The following SERPINB11 variants were observed in gnomAD, a reference collection of about 807,000 sequenced individuals.
SERPINB11 encodes serpin B11.
A neutral mutation model predicts 36.7 loss-of-function variants in SERPINB11; 32 were observed. The ratio of observed to expected loss-of-function variants is 0.87; its 90% confidence interval spans 0.66 to 1.17. SERPINB11 has a LOEUF of 1.17. SERPINB11 is among the 50% of genes most tolerant of loss of function. SERPINB11 has a pLI of 0.00. For missense variants in SERPINB11, 528 were observed against 458.4 expected, an observed-to-expected ratio of 1.15 and a Z score of -1.39; for synonymous variants, 174 against 168.1, an observed-to-expected ratio of 1.04 and a Z score of -0.27.
At chr18:63,712,046 A>G (rs1174615452) in intron 3 of SERPINB11, among the ~76,000 whole-genome samples, 2 of 152,214 alleles carry the variant, frequency 1.3e-5, no homozygotes, top group Non-Finnish European at 2.9e-5. Context: ...TATAATGTCC[A>G]TAAATTCTTA....
chr18:63,703,734 C>T (rs1334219962), intron 1 of SERPINB11, among the ~76,000 whole-genome samples: 1 of 152,154 alleles, frequency 6.6e-6, no homozygotes, highest in Non-Finnish European at 1.5e-5. Flanking sequence ...CTTAGCCACC[C>T]TTGGAGATGT....
Position 63,723,438 on chromosome 18 carries a change from G to C in SERPINB11, c.*39G>C. On this transcript the variant is annotated 3_prime_UTR_variant, in exon 8 of 8. Transcript: ENST00000544088. ...AGCAAGGCTCAGAGTTGCAGATGAG[G>C]TGCAGAGACAATCCTGTGACTTTCC... The C allele has an allele frequency of 6.5e-7, 1 of 1,536,036 alleles. No individual in the cohort carries two copies. Among genetic ancestry groups the C allele is most frequent in the African/African-American group, 1.4e-5 (1 of 72,894 alleles).
In SERPINB11 at chr18:63,722,893, T is replaced by C. The variant is rs763434299; in HGVS notation, c.775-102T>C. 5.4e-5 allele frequency: 65 copies of C among 1,204,470 alleles called. No individual in the cohort carries two copies. The Admixed American group carries it at 5.7e-4, about 11-fold the overall frequency. 74.6% of individuals were successfully genotyped at this position (1,204,470 alleles called of 1,614,324 possible). On this transcript the variant is annotated intron_variant, in intron 7 of 7. Transcript: ENST00000544088. Reference sequence around the variant, plus strand: ...ACTGTATTAAAGGTAGAAAAAGTGATGAAGTTGAACCACTCACACTGAGAA... The same window carrying C: ...ACTGTATTAAAGGTAGAAAAAGTGACGAAGTTGAACCACTCACACTGAGAA...
At chr18:63,710,126 A>G in intron 1 of SERPINB11, 53 bp from the exon 2 acceptor site, 1 of 1,403,376 alleles carries the variant, frequency 7.1e-7, no homozygotes, top group Non-Finnish European at 9.6e-7. Flanking sequence ...AACTCCAGAT[A>G]CTATCTGTAA....
At chr18:63,721,489 C>A (rs4940596) in intron 7 of SERPINB11, among the ~76,000 whole-genome samples, 56,343 of 151,916 alleles carry the variant, frequency 0.37, 11,278 homozygotes, top group East Asian at 0.61. Flanking sequence ...AACCCCCTTT[C>A]CCCAGCTGCA....
chr18:63,723,212 C>A lies in SERPINB11; in HGVS notation c.992C>A (p.Ala331Asp), dbSNP rs768428835. The A allele has an allele frequency of 1.9e-6, 3 of 1,613,802 alleles. No individual in the cohort carries two copies. Among genetic ancestry groups the A allele is most frequent in the Non-Finnish European group, 2.5e-6 (3 of 1,179,818 alleles). Residue 331 changes from alanine to aspartate, a missense_variant, in exon 8 of 8, where the codon GCC (alanine) becomes GAC (aspartate). Physicochemically the swap from Ala to Asp is moderately radical, Grantham distance 126. Transcript: ENST00000544088. Reference sequence around the variant, plus strand: ...ACCAAGGGCCTATATTTATCAAAAGCCATCCACAAGTCATACCTGGATGTC... The same window carrying A: ...ACCAAGGGCCTATATTTATCAAAAGACATCCACAAGTCATACCTGGATGTC... ...SPTKGLYLSK[A>D]IHKSYLDVSE... is the part of the protein sequence containing the mutation.
intron 4 of SERPINB11, among the ~76,000 whole-genome samples, chr18:63,713,957 A>G (rs1914595994): frequency 6.6e-6 from 1 of 152,198 alleles, no homozygotes. Context: ...ATGGAGAGTT[A>G]CTTAAGGTTG....
intron 5 of SERPINB11, 61 bp downstream of exon 5, chr18:63,716,213 C>A: frequency 2.8e-6 from 3 of 1,073,150 alleles, no homozygotes; most frequent in South Asian, 1.4e-5. Flanking sequence ...AACCTGAGTC[C>A]ACTTGCTAAA....
intron 1 of SERPINB11, among the ~76,000 whole-genome samples, chr18:63,706,587 A>C (rs1013784390): frequency 2.6e-5 from 4 of 152,206 alleles, no homozygotes; most frequent in Non-Finnish European, 5.9e-5. Flanking sequence ...TAAACAAGGG[A>C]ATAATGTAAC....
intron 4 of SERPINB11, among the ~76,000 whole-genome samples, chr18:63,714,766 A>G (rs1914623385): frequency 1.3e-5 from 2 of 152,122 alleles, no homozygotes; most frequent in Admixed American, 1.3e-4. Context: ...TATTGTTTAA[A>G]CACACATGCT....
intron 7 of SERPINB11, among the ~76,000 whole-genome samples, chr18:63,721,211 A>T (rs1179175102): frequency 6.6e-6 from 1 of 152,242 alleles, no homozygotes; most frequent in Non-Finnish European, 1.5e-5. Flanking sequence ...TGAGAAAGGC[A>T]CATGGAAGCA....
At chr18:63,720,235 G>A in intron 6 of SERPINB11, 80 bp downstream of exon 6, 1 of 1,254,844 alleles carries the variant, frequency 8.0e-7, no homozygotes. Context: ...AAGATGTAGT[G>A]ATTTAGTGAA....
At chr18:63,720,766 T>C in intron 6 of SERPINB11, 65 bp from the exon 7 acceptor site, 2 of 1,191,234 alleles carry the variant, frequency 1.7e-6, no homozygotes, top group Non-Finnish European at 2.4e-6. Flanking sequence ...TTATGCAAGG[T>C]AATCAGTACA....
chr18:63,710,871 A>G (rs1276207067), intron 2 of SERPINB11, among the ~76,000 whole-genome samples: 1 of 152,248 alleles, frequency 6.6e-6, no homozygotes, highest in Non-Finnish European at 1.5e-5. Flanking sequence ...CCCATTACGT[A>G]TATTTTAATT....
intron 1 of SERPINB11, among the ~76,000 whole-genome samples, chr18:63,703,767 C>G (rs1415926629): frequency 6.6e-6 from 1 of 152,184 alleles, no homozygotes; most frequent in Non-Finnish European, 1.5e-5. Flanking sequence ...AGGACAGAAC[C>G]AGACCCTCCG....
intron 1 of SERPINB11, among the ~76,000 whole-genome samples, chr18:63,705,000 T>A (rs1351589903): frequency 6.6e-6 from 1 of 152,246 alleles, no homozygotes; most frequent in Non-Finnish European, 1.5e-5. Context: ...ACGGACTATA[T>A]TCCCAGAATA....
At chr18:63,720,241 G>C in intron 6 of SERPINB11, 86 bp downstream of exon 6, 1 of 1,187,242 alleles carries the variant, frequency 8.4e-7, no homozygotes, top group South Asian at 1.4e-5. Flanking sequence ...TAGTGATTTA[G>C]TGAAAATATT....
Position 63,722,541 on chromosome 18 carries a change from G to GCA in SERPINB11, c.775-452_775-451dup, listed in dbSNP as rs371153133. Among the ~76,000 whole-genome samples the GCA allele has an allele frequency of 2.3e-3, 350 of 152,258 alleles. 1 individual carries two copies. Among genetic ancestry groups the GCA allele is most frequent in the African/African-American group, 7.8e-3 (324 of 41,556 alleles). On this transcript the variant is annotated intron_variant, in intron 7 of 7. Transcript: ENST00000544088. ...CTACCAGAAACAGTGACAGAGAAGG[G>GCA]CACGAGAGGATGAAAGCTATCAGAG...
intron 1 of SERPINB11, among the ~76,000 whole-genome samples, chr18:63,704,300 C>T (rs186921809): frequency 6.8e-4 from 104 of 152,342 alleles, no homozygotes; most frequent in Non-Finnish European, 1.2e-3. Flanking sequence ...CATCCATACA[C>T]ACCTCTGCAC....
Sources: allele counts gnomAD v4.1 joint callset (sites outside exome capture counted in the v4.1 genomes callset), GRCh38; gene constraint gnomAD v4.1.1; transcripts MANE v1.5; gene names NCBI Gene and HGNC (gene_info 2026-07-23, HGNC 2026-07-21).